GALNTL6: variants seen among roughly 807,000 people sequenced by gnomAD.
GALNTL6 encodes the protein polypeptide N-acetylgalactosaminyltransferase like 6.
GALNTL6 carries 46 observed loss-of-function variants against 73.7 expected under a neutral mutation model. The ratio of observed to expected loss-of-function variants is 0.62; its 90% CI spans 0.49 to 0.80. GALNTL6 has a LOEUF of 0.80. GALNTL6 is among the 30% of genes least tolerant of loss of function. The pLI is 0.00. For missense variants in GALNTL6, 604 were observed against 755.0 expected (o/e 0.80, Z 2.34); for synonymous variants, 259 against 263.7 (o/e 0.98, Z 0.17).
chr4:172,874,187 G>A (rs1677517606), intron 7 of GALNTL6, among the ~76,000 whole-genome samples: 1 of 152,172 alleles, frequency 6.6e-6, no homozygotes. Context: ...TCTCCATTAC[G>A]GATGAAGTCA....
intron 3 of GALNTL6, among the ~76,000 whole-genome samples, chr4:172,278,715 CTAGA>C (rs1373344338): frequency 1.3e-5 from 2 of 152,056 alleles, no homozygotes; most frequent in Non-Finnish European, 2.9e-5. Flanking sequence ...GATAACTATT[CTAGA>C]TATAGAATTC....
At chr4:172,180,800 T>C (rs949483830) in intron 2 of GALNTL6, among the ~76,000 whole-genome samples, 2 of 152,192 alleles carry the variant, frequency 1.3e-5, no homozygotes, top group African/African-American at 4.8e-5. Context: ...TCTGTTCCAT[T>C]GATCTATATA....
At chr4:171,891,289 C>A (rs548581133) in intron 2 of GALNTL6, among the ~76,000 whole-genome samples, 22 of 152,238 alleles carry the variant, frequency 1.4e-4, no homozygotes, top group African/African-American at 5.3e-4. Context: ...TCTAGGGTAA[C>A]CAAGGCAGCC....
rs567127404 is a variant in GALNTL6, at chr4:172,364,873, T to C, written c.553+16184T>C. Among the ~76,000 whole-genome samples the C allele has an allele frequency of 2.0e-5, 3 of 152,268 alleles. No individual in the cohort carries two copies. The South Asian group carries it at 6.2e-4, about 32-fold the overall frequency. On this transcript the variant is annotated intron_variant, in intron 5 of 12. Coordinates refer to ENST00000506823, the MANE Select transcript of GALNTL6 (RefSeq NM_001034845.3). Reference sequence around the variant, plus strand: ...ATAGCAGAAAAAGAATCATAGAGAATTTTTTTCTCCCCAAGCAATTTTTAT... The same window carrying C: ...ATAGCAGAAAAAGAATCATAGAGAACTTTTTTCTCCCCAAGCAATTTTTAT...
intron 4 of GALNTL6, among the ~76,000 whole-genome samples, chr4:172,326,949 A>G (rs573685941): frequency 6.6e-6 from 1 of 152,124 alleles, no homozygotes; most frequent in South Asian, 2.1e-4. Context: ...ACAACAGTAT[A>G]CATCCTTGTC....
chr4:172,301,904 A>G (rs1244280506), intron 3 of GALNTL6, among the ~76,000 whole-genome samples: 1 of 152,180 alleles, frequency 6.6e-6, no homozygotes, highest in East Asian at 1.9e-4. Context: ...GCTGTCAGAC[A>G]GGGACATTTA....
chr4:172,497,519 G>T (rs6819105), intron 5 of GALNTL6, among the ~76,000 whole-genome samples: 1 of 152,308 alleles, frequency 6.6e-6, no homozygotes, highest in Non-Finnish European at 1.5e-5. Context: ...CCTAACACCA[G>T]CTTTCATGAT....
intron 4 of GALNTL6, among the ~76,000 whole-genome samples, chr4:172,319,848 T>C (rs1740693518): frequency 6.6e-6 from 1 of 152,064 alleles, no homozygotes; most frequent in South Asian, 2.1e-4. Context: ...TAAAGGCAAA[T>C]AGAAAGGGAA....
At chr4:172,356,278 T>C in intron 5 of GALNTL6, among the ~76,000 whole-genome samples, 1 of 152,204 alleles carries the variant, frequency 6.6e-6, no homozygotes, top group Admixed American at 6.5e-5. Context: ...GGGCTTCAGA[T>C]CTTGGGCAGG....
rs114179716 is a variant in GALNTL6 at position 172,223,478 on chromosome 4, A to G, written c.139-6178A>G. Among the ~76,000 whole-genome samples the G allele has an allele frequency of 8.8e-3, 1,345 of 152,230 alleles. 23 individuals carry two copies. The highest frequency in any genetic ancestry group is 0.031 in the African/African-American group (1,282 of 41,568). On this transcript the variant is annotated intron_variant, in intron 2 of 12. Transcript: ENST00000506823. Reference sequence around the variant, plus strand: ...ATAACATTTTATGCTATTACTCTTCAGTTAGAGAGTCTTTCTTGACTTCCT... The same window carrying G: ...ATAACATTTTATGCTATTACTCTTCGGTTAGAGAGTCTTTCTTGACTTCCT...
At chr4:172,853,309 A>G (rs1471951896) in intron 7 of GALNTL6, among the ~76,000 whole-genome samples, 1 of 152,210 alleles carries the variant, frequency 6.6e-6, no homozygotes, top group Admixed American at 6.5e-5. Context: ...GTGCCCCAAC[A>G]TAGTCACTTG....
At position 172,069,364 on chromosome 4, in the gene GALNTL6, AG is replaced by A. The variant is rs1403123605; in HGVS notation, c.139-160291del. Among the ~76,000 whole-genome samples the A allele has an allele frequency of 9.9e-5, 10 of 100,568 alleles. 4 individuals carry two copies. Among genetic ancestry groups the A allele is most frequent in the Non-Finnish European group, 1.7e-4 (8 of 46,688 alleles). The allele number at this position is 100,568 out of a possible 152,430, so 66.0% of individuals were successfully genotyped here. On this transcript the variant is annotated intron_variant, in intron 2 of 12. Coordinates refer to ENST00000506823, the MANE Select transcript of GALNTL6 (RefSeq NM_001034845.3). ...TAACAAATCAATTATAAATATATGTAGTGTGTATATATATGTGTGTGTACAT... is the reference window on the plus strand; with the variant it reads ...TAACAAATCAATTATAAATATATGTATGTGTATATATATGTGTGTGTACAT...
Position 171,852,612 on chromosome 4 carries a change from T to C in GALNTL6, c.138+37894T>C, listed in dbSNP as rs1263185286. Among the ~76,000 whole-genome samples, 4 of 152,162 alleles carry C rather than the reference T, an allele frequency of 2.6e-5. No individual in the cohort carries two copies. In the East Asian group the frequency reaches 7.7e-4, roughly 29 times the overall value. Reference sequence around the variant, plus strand: ...AGAAAAGAGGCACTGTAAAAATAGGTAACAAATTCAATTCTTTGTACGATA... The same window carrying C: ...AGAAAAGAGGCACTGTAAAAATAGGCAACAAATTCAATTCTTTGTACGATA... On this transcript the variant is annotated intron_variant, in intron 2 of 12. Coordinates refer to ENST00000506823, the MANE Select transcript of GALNTL6 (RefSeq NM_001034845.3).
intron 5 of GALNTL6, among the ~76,000 whole-genome samples, chr4:172,573,331 C>T (rs1168924051): frequency 6.6e-6 from 1 of 152,006 alleles, no homozygotes; most frequent in East Asian, 1.9e-4. Context: ...TTCATTTTTC[C>T]CCAAGAAATT....
intron 3 of GALNTL6, among the ~76,000 whole-genome samples, chr4:172,299,033 C>T (rs539935763): frequency 1.3e-5 from 2 of 152,286 alleles, no homozygotes; most frequent in South Asian, 4.1e-4. Flanking sequence ...TAATTATTGC[C>T]TCAATTTCAA....
chr4:172,610,829 T>C (rs757164278), intron 5 of GALNTL6, among the ~76,000 whole-genome samples: 16 of 152,120 alleles, frequency 1.1e-4, no homozygotes, highest in Non-Finnish European at 1.5e-4. Flanking sequence ...TAAGGCTTTT[T>C]ATAGGTCTCT....
chr4:172,157,106 C>A (rs1734311555), intron 2 of GALNTL6, among the ~76,000 whole-genome samples: 1 of 152,084 alleles, frequency 6.6e-6, no homozygotes, highest in African/African-American at 2.4e-5. Flanking sequence ...ACTAACTCCC[C>A]AGCCTACATA....
chr4:172,529,423 C>T (rs1205403026), intron 5 of GALNTL6, among the ~76,000 whole-genome samples: 1 of 151,934 alleles, frequency 6.6e-6, no homozygotes, highest in Non-Finnish European at 1.5e-5. Flanking sequence ...CGTACTCTTC[C>T]TTTCCACTCT....
chr4:172,863,819 G>C (rs1744519563), intron 7 of GALNTL6, among the ~76,000 whole-genome samples: 1 of 152,174 alleles, frequency 6.6e-6, no homozygotes, highest in East Asian at 1.9e-4. Context: ...GGAGGAGCCA[G>C]GGGTGGAATT....
Sources: allele counts gnomAD v4.1 joint callset (sites outside exome capture counted in the v4.1 genomes callset), GRCh38; gene constraint gnomAD v4.1.1; transcripts MANE v1.5; gene names NCBI Gene and HGNC (gene_info 2026-07-23, HGNC 2026-07-21).